The following AXDND1 variants were observed in gnomAD, a reference collection of about 807,000 sequenced individuals.
AXDND1 encodes the protein axonemal dynein light chain domain containing 1.
AXDND1 carries 110 observed loss-of-function variants against 137.5 expected under a neutral mutation model. The observed-to-expected ratio is 0.80, with a 90% CI of 0.69 to 0.94. The LOEUF (loss-of-function observed/expected upper bound fraction) is 0.94. Ranked by LOEUF, AXDND1 falls within the 40% of genes least tolerant of loss-of-function variation. The pLI is 0.00. For synonymous variants in AXDND1, 414 were observed against 399.7 expected, an observed-to-expected ratio of 1.04 and a Z score of -0.43; for missense variants, 1,191 against 1,169.8, an observed-to-expected ratio of 1.02 and a Z score of -0.26.
In AXDND1 at chr1:179,394,058, T is replaced by C. The variant is rs201487374; in HGVS notation, c.1004+15T>C. Reference sequence around the variant, plus strand: ...GAACTGACCAGGTAAAAACTGTGATTATCTTAAACACAAAACAAAAGTCAA... The same window carrying C: ...GAACTGACCAGGTAAAAACTGTGATCATCTTAAACACAAAACAAAAGTCAA... On this transcript the variant is annotated intron_variant, in intron 10 of 25. Transcript: ENST00000367618. 5 of 1,578,990 alleles carry C rather than the reference T, an allele frequency of 3.2e-6. No homozygotes were observed. The highest frequency in any genetic ancestry group is 2.3e-5 in the East Asian group (1 of 43,452).
intron 21 of AXDND1, among the ~76,000 whole-genome samples, chr1:179,522,438 A>G (rs563479632): frequency 2.0e-5 from 3 of 152,190 alleles, no homozygotes; most frequent in Non-Finnish European, 4.4e-5. Flanking sequence ...CTAATATATG[A>G]TGTATCTGTA....
chr1:179,425,858 A>C (rs1656492490), intron 12 of AXDND1, among the ~76,000 whole-genome samples: 1 of 136,226 alleles, frequency 7.3e-6, no homozygotes, highest in African/African-American at 2.8e-5. Context: ...TTTTTTTGAG[A>C]CAGAGTCTCA....
At chr1:179,492,349 A>G (rs1375676976) in intron 19 of AXDND1, among the ~76,000 whole-genome samples, 2 of 152,084 alleles carry the variant, frequency 1.3e-5, no homozygotes, top group African/African-American at 2.4e-5. Context: ...TCCTGGAATT[A>G]CAGCCATGAG....
chr1:179,422,869 T>TTCTCCTGCC (rs1431251252), intron 12 of AXDND1, among the ~76,000 whole-genome samples: 4 of 152,166 alleles, frequency 2.6e-5, no homozygotes, highest in Non-Finnish European at 4.4e-5. Flanking sequence ...GTTCAAGTAA[T>TTCTCCTGCC]TCTCCTGCCT....
At chr1:179,535,068 T>C in intron 25 of AXDND1, 106 bp downstream of exon 25, 1 of 1,476,746 alleles carries the variant, frequency 6.8e-7, no homozygotes, top group Admixed American at 1.8e-5. Flanking sequence ...GGTGCTAATC[T>C]ACTAGTTTAT....
At chr1:179,537,054 A>G (rs1373937398) in intron 25 of AXDND1, among the ~76,000 whole-genome samples, 1 of 152,228 alleles carries the variant, frequency 6.6e-6, no homozygotes, top group Non-Finnish European at 1.5e-5. Flanking sequence ...ATTTTTACAC[A>G]TTGATTTTGA....
chr1:179,517,381 A>G (rs138634419), intron 21 of AXDND1, among the ~76,000 whole-genome samples: 167 of 152,340 alleles, frequency 1.1e-3, no homozygotes, highest in African/African-American at 3.8e-3. Context: ...CCTGCCTCCC[A>G]GCTGCAAAAG....
intron 16 of AXDND1, chr1:179,447,479 A>G (rs1488866723): frequency 4.4e-6 from 2 of 450,548 alleles, no homozygotes; most frequent in African/African-American, 4.0e-5. Context: ...TTGAATGGAA[A>G]TATTCATTAG....
At chr1:179,432,749 A>G (rs1657566698) in intron 15 of AXDND1, among the ~76,000 whole-genome samples, 1 of 151,986 alleles carries the variant, frequency 6.6e-6, no homozygotes, top group African/African-American at 2.4e-5. Context: ...TAAAAATGCC[A>G]TATTAGGGGC....
At chr1:179,405,313 G>C (rs1188273649) in intron 11 of AXDND1, among the ~76,000 whole-genome samples, 1 of 152,134 alleles carries the variant, frequency 6.6e-6, no homozygotes, top group African/African-American at 2.4e-5. Context: ...TCTTAATCCA[G>C]TCTATCATTG....
At chr1:179,468,358 T>A in intron 16 of AXDND1, 85 bp from the exon 17 acceptor site, 9 of 948,456 alleles carry the variant, frequency 9.5e-6, no homozygotes, top group Non-Finnish European at 1.4e-5. Context: ...GATAATGCCC[T>A]TGCTCAGTAG....
intron 17 of AXDND1, among the ~76,000 whole-genome samples, chr1:179,478,486 C>T (rs1041770242): frequency 6.6e-6 from 1 of 152,072 alleles, no homozygotes; most frequent in Non-Finnish European, 1.5e-5. Context: ...AAGCCATGGC[C>T]CCAGCTGTAT....
chr1:179,537,491 A>T (rs1671667194), intron 25 of AXDND1, among the ~76,000 whole-genome samples: 1 of 152,178 alleles, frequency 6.6e-6, no homozygotes, highest in African/African-American at 2.4e-5. Flanking sequence ...TTGATGGATT[A>T]CGTTTATTGA....
chr1:179,419,599 C>A (rs1655340507), intron 12 of AXDND1, among the ~76,000 whole-genome samples: 1 of 124,746 alleles, frequency 8.0e-6, no homozygotes, highest in Non-Finnish European at 1.6e-5. Flanking sequence ...CAGAGGGAGA[C>A]CGTGGAAAGA....
At chr1:179,436,099 A>G (rs1008395907) in intron 15 of AXDND1, among the ~76,000 whole-genome samples, 2 of 152,232 alleles carry the variant, frequency 1.3e-5, no homozygotes, top group Non-Finnish European at 2.9e-5. Context: ...AAAAAAGCTC[A>G]ACATCACTGA....
chr1:179,524,894 A>C (rs1213013490), intron 21 of AXDND1, among the ~76,000 whole-genome samples: 1 of 152,170 alleles, frequency 6.6e-6, no homozygotes, highest in Non-Finnish European at 1.5e-5. Flanking sequence ...CTGGCTTGAC[A>C]GTCTAGCCCT....
At chr1:179,370,114 A>G (rs1667894392) in intron 4 of AXDND1, 36 bp downstream of exon 4, 1 of 1,516,434 alleles carries the variant, frequency 6.6e-7, no homozygotes, top group Admixed American at 1.7e-5. Flanking sequence ...ATGCTGATAA[A>G]TAGAGTTGTT....
At chr1:179,462,001 T>C (rs1202121845) in intron 16 of AXDND1, among the ~76,000 whole-genome samples, 1 of 152,180 alleles carries the variant, frequency 6.6e-6, no homozygotes, top group East Asian at 1.9e-4. Context: ...ACAGGGACAA[T>C]TTGACTTCCT....
chr1:179,463,604 G>A (rs1289826604), intron 16 of AXDND1, among the ~76,000 whole-genome samples: 2 of 152,190 alleles, frequency 1.3e-5, no homozygotes, highest in Admixed American at 6.5e-5. Flanking sequence ...TGTTGATTTG[G>A]GGTGGAGAGT....
Sources: gnomAD v4.1 joint callset for allele counts (sites outside exome capture counted in the v4.1 genomes callset) on GRCh38, gnomAD v4.1.1 for gene constraint, MANE v1.5 for transcripts, NCBI Gene and HGNC (gene_info 2026-07-23, HGNC 2026-07-21) for gene names.